The following ATP8B1 variants were observed in gnomAD, a reference collection of about 807,000 sequenced individuals.
ATP8B1 encodes phospholipid-transporting ATPase IC.
Under a neutral mutation model 149.9 loss-of-function variants are expected in ATP8B1, and 80 were observed. The observed-to-expected ratio is 0.53, with a 90% confidence interval of 0.45 to 0.64. The LOEUF (loss-of-function observed/expected upper bound fraction) is 0.64, where lower values mean the gene tolerates loss of function less well. Ranked by LOEUF, ATP8B1 falls within the 30% of genes least tolerant of loss-of-function variation. The pLI, the probability that ATP8B1 is intolerant of heterozygous loss-of-function variation, is 0.00. For missense variants in ATP8B1, 1,247 were observed against 1,552.6 expected, an observed-to-expected ratio of 0.80 and a Z score of 3.31; for synonymous variants, 536 against 562.8, an observed-to-expected ratio of 0.95 and a Z score of 0.67.
chr18:57,652,842 GC>G, intron 24 of ATP8B1, 113 bp from the exon 25 acceptor site: 2 of 1,344,442 alleles, frequency 1.5e-6, no homozygotes, highest in Non-Finnish European at 2.1e-6. Flanking sequence ...TTTTAGGAAG[GC>G]AAAAACTGAA....
At chr18:57,707,578 G>A (rs1007219304) in intron 2 of ATP8B1, among the ~76,000 whole-genome samples, 12 of 149,770 alleles carry the variant, frequency 8.0e-5, no homozygotes, top group East Asian at 2.0e-4. Context: ...GTGTGATCTC[G>A]GCTCACTGCA....
chr18:57,773,494 C>G (rs2080281839), intron 1 of ATP8B1, among the ~76,000 whole-genome samples: 1 of 152,196 alleles, frequency 6.6e-6, no homozygotes. Flanking sequence ...CTGCTGCAGG[C>G]AGCTGAACTC....
At chr18:57,673,693 T>C (rs11872679) in intron 16 of ATP8B1, among the ~76,000 whole-genome samples, 1 of 151,716 alleles carries the variant, frequency 6.6e-6, no homozygotes, top group African/African-American at 2.4e-5. Flanking sequence ...GATCTATATA[T>C]AGAGATATGT....
At chr18:57,662,436 ACTT>A (rs775889823) in intron 21 of ATP8B1, 44 bp downstream of exon 21, 3 of 1,611,698 alleles carry the variant, frequency 1.9e-6, no homozygotes, top group African/African-American at 2.7e-5. Flanking sequence ...CTCCAAATGA[ACTT>A]CTTTCTTTTG....
At chr18:57,788,489 A>T (rs979267311) in intron 1 of ATP8B1, among the ~76,000 whole-genome samples, 4 of 151,314 alleles carry the variant, frequency 2.6e-5, no homozygotes, top group Admixed American at 2.0e-4. Context: ...CAGGAGGCAG[A>T]GGTCCTGGTG....
At chr18:57,713,179 CTTTCTTTCT>C (rs1555694211) in intron 2 of ATP8B1, among the ~76,000 whole-genome samples, 3 of 74,930 alleles carry the variant, frequency 4.0e-5, no homozygotes, top group Admixed American at 3.0e-4. Flanking sequence ...TTCTTTCTTT[CTTTCTTTCT>C]TTCTTTCTTT....
intron 1 of ATP8B1, among the ~76,000 whole-genome samples, chr18:57,799,821 C>T (rs2080556581): frequency 6.6e-6 from 1 of 152,006 alleles, no homozygotes; most frequent in Non-Finnish European, 1.5e-5. Context: ...CAGAATCTTC[C>T]TAAACAATAC....
At chr18:57,701,357 T>A (rs756207046) in intron 4 of ATP8B1, 44 bp from the exon 5 acceptor site, 1 of 1,540,526 alleles carries the variant, frequency 6.5e-7, no homozygotes, top group East Asian at 2.2e-5. Context: ...TGAAGGCATA[T>A]CAAGCTTACA....
chr18:57,724,283 C>T (rs1167408795), intron 2 of ATP8B1, among the ~76,000 whole-genome samples: 3 of 145,336 alleles, frequency 2.1e-5, no homozygotes, highest in South Asian at 4.5e-4. Context: ...TTCTGCACAG[C>T]AAAAGAAACT....
At chr18:57,666,984 G>T in intron 20 of ATP8B1, 108 bp downstream of exon 20, 1 of 992,040 alleles carries the variant, frequency 1.0e-6, no homozygotes, top group Non-Finnish European at 1.6e-6. Context: ...ACTGCCCCAA[G>T]TGACACATCG....
chr18:57,668,254 A>C (rs1911003231), intron 19 of ATP8B1, 175 bp downstream of exon 19: 1 of 1,383,612 alleles, frequency 7.2e-7, no homozygotes, highest in Admixed American at 2.1e-5. Context: ...TCAGGAAAGG[A>C]TGCAGAAGAA....
intron 1 of ATP8B1, among the ~76,000 whole-genome samples, chr18:57,764,377 CTCTT>C (rs1407633174): frequency 2.8e-5 from 4 of 142,590 alleles, no homozygotes; most frequent in Non-Finnish European, 4.6e-5. Flanking sequence ...TTCTTTCTTT[CTCTT>C]TTTCTCTCTT....
intron 2 of ATP8B1, among the ~76,000 whole-genome samples, chr18:57,714,424 T>G (rs1913899015): frequency 6.6e-6 from 1 of 152,084 alleles, no homozygotes; most frequent in Non-Finnish European, 1.5e-5. Flanking sequence ...GGCAGCCAGA[T>G]CATGGTTACA....
chr18:57,735,794 TTTATTTTA>T (rs2079845820), intron 1 of ATP8B1, among the ~76,000 whole-genome samples: 1 of 412 alleles, frequency 2.4e-3, no homozygotes, highest in Non-Finnish European at 0.015. Context: ...CTACTAAGTC[TTTATTTTA>T]CTTTATTTTA....
Position 57,697,620 on chromosome 18 carries a change from A to G in ATP8B1, c.696T>C (p.Asp232=), listed in dbSNP as rs319438. The G allele has an allele frequency of 1, 1,612,227 of 1,613,916 alleles. 805,295 individuals are homozygous for G. The highest frequency in any genetic ancestry group is 1 in the Non-Finnish European group (1,179,868 of 1,179,924). ...CAGGCCCATCGAGACACACTTACCC[A>G]TCCAGTTCTGCTGTTTCCACATAGC... The part of the protein sequence containing the change: ...SLCYVETAEL[D]GETNLKFKMS... The change falls in exon 8 of 28, where the codon GAT becomes GAC. Residue 232 remains aspartate (D), a splice_region_variant and synonymous_variant. Transcript: ENST00000648908.
rs201692138 is a variant in ATP8B1, at chr18:57,676,421, G to GA, written c.1631-1400dup. Reference sequence around the variant, plus strand: ...ATATTCTCCTTATTAAAAAAAAAAAGAAAAAAAAACCACACAGGCTGGGTG... The same window carrying GA: ...ATATTCTCCTTATTAAAAAAAAAAAGAAAAAAAAAACCACACAGGCTGGGTG... On this transcript the variant is annotated intron_variant, in intron 15 of 27. Transcript: ENST00000648908. Among the ~76,000 whole-genome samples, 32 of 146,656 alleles carry GA rather than the reference G, an allele frequency of 2.2e-4. No homozygotes were observed. The East Asian group carries it at 2.4e-3, about 11-fold the overall frequency.
chr18:57,702,062 G>A (rs773443779), intron 4 of ATP8B1, among the ~76,000 whole-genome samples: 2 of 152,170 alleles, frequency 1.3e-5, no homozygotes, highest in Non-Finnish European at 2.9e-5. Context: ...TTCTCAGTCA[G>A]TGGTTTCTGA....
chr18:57,775,472 A>G (rs2123391996), intron 1 of ATP8B1, among the ~76,000 whole-genome samples: 1 of 152,106 alleles, frequency 6.6e-6, no homozygotes, highest in South Asian at 2.1e-4. Flanking sequence ...AAGGGAGGAA[A>G]GAGAAAGAAG....
At chr18:57,663,361 C>G (rs959894624) in intron 20 of ATP8B1, among the ~76,000 whole-genome samples, 3 of 152,192 alleles carry the variant, frequency 2.0e-5, no homozygotes, top group African/African-American at 4.8e-5. Flanking sequence ...GCGTCCATCT[C>G]TTGGCTGCTG....
Sources: allele counts gnomAD v4.1 joint callset (sites outside exome capture counted in the v4.1 genomes callset), GRCh38; gene constraint gnomAD v4.1.1; transcripts MANE v1.5; gene names NCBI Gene and HGNC (gene_info 2026-07-23, HGNC 2026-07-21).